Variants in HIBCH observed in about 807,000 individuals in gnomAD.
HIBCH encodes the protein 3-hydroxyisobutyryl-CoA hydrolase, mitochondrial.
HIBCH carries 50 observed loss-of-function variants against 58.2 expected under a neutral mutation model. The ratio of observed to expected loss-of-function variants is 0.86; its 90% CI spans 0.68 to 1.09. The LOEUF (loss-of-function observed/expected upper bound fraction) is 1.09, where lower values mean the gene tolerates loss of function less well. Ranked by LOEUF, HIBCH falls within the 50% of genes least tolerant of loss-of-function variation. The pLI is 0.00. For synonymous variants in HIBCH, 151 were observed against 146.9 expected (o/e 1.03, Z -0.20); for missense variants, 450 against 449.7 (o/e 1.00, Z -0.01).
chr2:190,211,510 A>G lies in HIBCH; in HGVS notation c.1011+1446T>C, dbSNP rs1690511704. The stretch of plus-strand genomic sequence containing the variant: ...TCTTAAAGCAAATTGAACCGAATGA[A>G]ATGAAAAATCAAATCACCTCCTGCT... On this transcript the variant is annotated intron_variant, in intron 12 of 13. Transcript: ENST00000359678. This position sits in a 1 kb window ranked among gnomAD's most constrained non-coding sequence, Gnocchi z 5.0. 6.6e-6 allele frequency among the ~76,000 whole-genome samples: 1 copy of G among 152,194 alleles called. No individual in the cohort carries two copies. Among genetic ancestry groups the G allele is most frequent in the Non-Finnish European group, 1.5e-5 (1 of 68,040 alleles).
chr2:190,218,847 G>A (rs142104298), intron 11 of HIBCH, among the ~76,000 whole-genome samples: 9 of 152,288 alleles, frequency 5.9e-5, no homozygotes, highest in East Asian at 5.8e-4. Flanking sequence ...ATCCTAGAGC[G>A]ATCCCTTCTT....
rs1575729106 is a variant in HIBCH at position 190,256,657 on chromosome 2, G to A, written c.518-4350C>T. 1.3e-5 allele frequency among the ~76,000 whole-genome samples: 2 copies of A among 151,904 alleles called. 1 individual carries two copies. The highest frequency in any genetic ancestry group is 4.8e-5 in the African/African-American group (2 of 41,366). ...TGCAGGAAAATACTAACCATTAAAA[G>A]GGGATTTAAAAAAATAAGAACCGAC... On this transcript the variant is annotated intron_variant, in intron 7 of 13. Coordinates refer to ENST00000359678, the MANE Select transcript of HIBCH (RefSeq NM_014362.4).
At chr2:190,219,684 T>TG (rs1362623103) in intron 11 of HIBCH, among the ~76,000 whole-genome samples, 3 of 152,008 alleles carry the variant, frequency 2.0e-5, no homozygotes, top group Non-Finnish European at 4.4e-5. Flanking sequence ...AATCAATAGG[T>TG]GATGGGACCT....
intron 11 of HIBCH, among the ~76,000 whole-genome samples, chr2:190,244,142 T>C (rs1359234824): frequency 8.6e-5 from 13 of 151,812 alleles, no homozygotes; most frequent in East Asian, 3.9e-4. Context: ...TATATATATA[T>C]ATATACACAC....
chr2:190,200,183 G>A (rs750748774), downstream of HIBCH: 4 of 1,577,350 alleles, frequency 2.5e-6, no homozygotes, highest in East Asian at 6.7e-5. Context: ...CTGTGGAGGT[G>A]CTAGTTTGAA....
chr2:190,296,589 A>G (rs1688108678), intron 3 of HIBCH, among the ~76,000 whole-genome samples: 2 of 152,208 alleles, frequency 1.3e-5, no homozygotes, highest in African/African-American at 2.4e-5. Context: ...AATCAGTGCT[A>G]TATAAAAGTC....
chr2:190,298,641 C>T (rs764232433), intron 2 of HIBCH, among the ~76,000 whole-genome samples: 9 of 151,506 alleles, frequency 5.9e-5, no homozygotes, highest in Non-Finnish European at 1.3e-4. Context: ...GATATTAGAC[C>T]TTTGTCAGAT....
chr2:190,294,261 C>T (rs1688047380), intron 4 of HIBCH, among the ~76,000 whole-genome samples: 1 of 151,522 alleles, frequency 6.6e-6, no homozygotes, highest in Non-Finnish European at 1.5e-5. Flanking sequence ...GACCCATATA[C>T]CCTAACTGGA....
chr2:190,213,524 CA>C (rs1690562321), intron 11 of HIBCH: 1 of 175,434 alleles, frequency 5.7e-6, no homozygotes, highest in Non-Finnish European at 1.2e-5. Context: ...CTTCAATAGC[CA>C]ATGCCTGCTT....
intron 2 of HIBCH, among the ~76,000 whole-genome samples, chr2:190,303,961 AAAC>A (rs1252748769): frequency 6.6e-6 from 1 of 152,204 alleles, no homozygotes; most frequent in Non-Finnish European, 1.5e-5. Flanking sequence ...ATTATGAAAA[AAAC>A]AACAGACAAG....
rs569114462 is a variant in HIBCH at position 190,196,029 on chromosome 2, T to C, written c.*18-6032A>G. ...ACTATGTATGTGTGGTTTGGATTTT[T>C]AAACTAGTCTGATCATCTCTGCCTT... is the stretch of plus-strand genomic sequence containing the variant. On this transcript the variant is annotated intron_variant, in intron 1 of 1. Transcript: ENST00000399855. 2.0e-5 allele frequency among the ~76,000 whole-genome samples: 3 copies of C among 149,178 alleles called. No individual in the cohort carries two copies. In the South Asian group the frequency reaches 6.4e-4, roughly 32 times the overall value.
At chr2:190,261,593 T>C in intron 6 of HIBCH, among the ~76,000 whole-genome samples, 1 of 151,618 alleles carries the variant, frequency 6.6e-6, no homozygotes, top group Non-Finnish European at 1.5e-5. Context: ...ATTTATCTGA[T>C]ATATATTTTA....
In HIBCH at chr2:190,204,468, G is replaced by A. The variant is rs1169174140; in HGVS notation, c.*649C>T. 1.3e-5 allele frequency: 2 copies of A among 152,092 alleles called. No homozygotes were observed. The highest frequency in any genetic ancestry group is 4.8e-5 in the African/African-American group (2 of 41,440). 9.4% of individuals were successfully genotyped at this position (152,092 alleles called of 1,614,324 possible). ...GTCTGAGTTAATACTGAAGAGGGAC[G>A]TTAATAAAAATCTTTTCTCTCTGCC... On this transcript the variant is annotated 3_prime_UTR_variant, in exon 14 of 14. Transcript: ENST00000359678.
intron 6 of HIBCH, among the ~76,000 whole-genome samples, chr2:190,287,218 T>C (rs1032138641): frequency 2.4e-4 from 37 of 152,070 alleles, no homozygotes; most frequent in African/African-American, 7.7e-4. Context: ...TGTGCCACCA[T>C]GCTCAGCTAA....
intron 1 of HIBCH, among the ~76,000 whole-genome samples, chr2:190,192,423 AGTTT>A (rs956551229): frequency 1.4e-5 from 2 of 145,340 alleles, no homozygotes; most frequent in Admixed American, 6.8e-5. Flanking sequence ...TGGCCATTCT[AGTTT>A]GTGTTTCCAT....
At chr2:190,280,600 A>G (rs1687680382) in intron 6 of HIBCH, among the ~76,000 whole-genome samples, 1 of 151,482 alleles carries the variant, frequency 6.6e-6, no homozygotes, top group South Asian at 2.1e-4. Flanking sequence ...TTTAACTGGT[A>G]TATAACCTTC....
intron 4 of HIBCH, among the ~76,000 whole-genome samples, chr2:190,292,109 A>G (rs997837730): frequency 6.6e-6 from 1 of 151,886 alleles, no homozygotes. Context: ...CAGCCTCCCA[A>G]GTAGTTGGGA....
rs1432095519 is a variant in HIBCH at position 190,254,353 on chromosome 2, T to A, written c.518-2046A>T. Among the ~76,000 whole-genome samples the A allele has an allele frequency of 2.0e-5, 3 of 152,146 alleles. No homozygotes were observed. The highest frequency in any genetic ancestry group is 2.1e-4 in the South Asian group (1 of 4,820). On this transcript the variant is annotated intron_variant, in intron 7 of 13. Transcript: ENST00000359678. This position sits in a 1 kb window ranked among gnomAD's most constrained non-coding sequence, Gnocchi z 5.0. ...AGGACAGAGCAAGAAGGCAGCAGTC[T>A]ATTAGCCACAGAGAGAGGGCTCAAG...
chr2:190,264,109 T>G (rs73981030), intron 6 of HIBCH, among the ~76,000 whole-genome samples: 1,888 of 152,162 alleles, frequency 0.012, 47 homozygotes, highest in African/African-American at 0.042. Context: ...TATCACGTCA[T>G]TCTCCCGCCC....
Sources: gnomAD v4.1 joint callset for allele counts (sites outside exome capture counted in the v4.1 genomes callset) on GRCh38, gnomAD v4.1.1 for gene constraint, Gnocchi (gnomAD v3.1) non-coding constraint, MANE v1.5 for transcripts, NCBI Gene and HGNC (gene_info 2026-07-23, HGNC 2026-07-21) for gene names.